PLXNB2: variants seen among roughly 807,000 people sequenced by gnomAD.
PLXNB2 encodes the protein plexin B2, also known as plexin-B2.
In PLXNB2, 85 loss-of-function variants were observed where a neutral mutation model predicts 202.6. That is an observed-to-expected ratio of 0.42 (90% CI 0.35 to 0.50). The LOEUF is 0.50. PLXNB2 is among the 20% of genes least tolerant of loss of function. The pLI is 0.02. For synonymous variants in PLXNB2, 1,239 were observed against 1,137.6 expected (o/e 1.09, Z -1.79); for missense variants, 2,063 against 2,586.2 (o/e 0.80, Z 4.39).
At position 50,290,408 on chromosome 22, in the gene PLXNB2, C is replaced by T. The variant is rs779136168; in HGVS notation, c.177G>A (p.Ala59=). Residue 59 remains alanine (A), a synonymous_variant, in exon 3 of 37, where the codon GCG becomes GCA. Coordinates refer to ENST00000359337, the MANE Select transcript of PLXNB2 (RefSeq NM_012401.4). ...GAVNALYQLD[A]KLQLEQQVAT... is the part of the protein sequence containing the mutation. ...CCACCTGCTGCTCCAGCTGCAGCTT[C>T]GCATCCAGCTGGTAGAGGGCATTCA... The T allele has an allele frequency of 2.4e-5, 38 of 1,612,814 alleles. No homozygotes were observed. Among genetic ancestry groups the T allele is most frequent in the Non-Finnish European group, 3.1e-5 (36 of 1,179,982 alleles).
At chr22:50,292,337 C>CAAAAAAAAA (rs533891085) in intron 2 of PLXNB2, among the ~76,000 whole-genome samples, 1 of 71,000 alleles carries the variant, frequency 1.4e-5, no homozygotes, top group Admixed American at 1.6e-4. Flanking sequence ...GACTCTGTCT[C>CAAAAAAAAA]AAAAAAAAAA....
chr22:50,289,780 G>C lies in PLXNB2; in HGVS notation c.805C>G (p.Pro269Ala), dbSNP rs1569174092. ...CCAAAGGCAGCGGCGTGGATGTCGG[G>C]GTCCCGGCACTGCAGGTCCATCTCC... is the stretch of plus-strand genomic sequence containing the variant. ...YLEMDLQCRD[P>A]DIHAAAFGTC... Residue 269 changes from proline to alanine, a missense_variant, in exon 3 of 37, where the codon CCC becomes GCC. Pro to Ala is a conservative substitution (Grantham distance 27, BLOSUM62 -1). Transcript: ENST00000359337. The surrounding 1 kb of genome is among the most constrained non-coding windows in gnomAD (Gnocchi z 8.0). 1 of 1,613,018 alleles carries C rather than the reference G, an allele frequency of 6.2e-7. No homozygotes were observed.
intron 1 of PLXNB2, among the ~76,000 whole-genome samples, chr22:50,296,193 T>TAC (rs58616888): frequency 0.066 from 9,152 of 139,282 alleles, 428 homozygotes; most frequent in East Asian, 0.16. Context: ...TCTCAAAAAA[T>TAC]ACACACACAC....
rs1385108827 is a variant in PLXNB2, at chr22:50,278,274, G to A, written c.4733-3C>T. 5 of 1,610,522 alleles carry A rather than the reference G, an allele frequency of 3.1e-6. No homozygotes were observed. In the African/African-American group the frequency reaches 4.0e-5, roughly 13 times the overall value. On this transcript the variant is annotated splice_polypyrimidine_tract_variant and splice_region_variant and intron_variant, in intron 30 of 36. Coordinates refer to ENST00000359337, the MANE Select transcript of PLXNB2 (RefSeq NM_012401.4). ...CTCCTCCTCCAGGAGGGCATGGCCTGTGGGGAGCGGGCACTGAGGGACCCC... is the reference window on the plus strand; with the variant it reads ...CTCCTCCTCCAGGAGGGCATGGCCTATGGGGAGCGGGCACTGAGGGACCCC...
rs756123018 is a variant in PLXNB2 at position 50,290,194 on chromosome 22, G to A, written c.391C>T (p.Arg131Cys). The A allele has an allele frequency of 6.2e-5, 100 of 1,612,488 alleles. No homozygotes were observed. Among genetic ancestry groups the A allele is most frequent in the African/African-American group, 1.7e-4 (13 of 74,946 alleles). ...CCGCTGCCGTCCTCGTAGAACAGGC[G>A]GAGGGAGATGTTGCTCAGGGCGCGC... The part of the protein sequence containing the change: ...ALRALSNISL[R>C]LFYEDGSGEK... Residue 131 changes from arginine (R) to cysteine (C), a missense_variant, in exon 3 of 37, where the codon CGC (arginine) becomes TGC (cysteine). Coordinates refer to ENST00000359337, the MANE Select transcript of PLXNB2 (RefSeq NM_012401.4).
chr22:50,283,555 G>A lies in PLXNB2; in HGVS notation c.2570+47C>T, dbSNP rs749849565. 1.9e-6 allele frequency: 3 copies of A among 1,597,216 alleles called. No individual in the cohort carries two copies. In the South Asian group the frequency reaches 3.3e-5, roughly 18 times the overall value. The stretch of plus-strand genomic sequence containing the variant: ...ACCCAGTCACCCGGAACCCCAGCGT[G>A]GGTACTGACCCAGCTGACAGGGCCC... On this transcript the variant is annotated intron_variant, in intron 15 of 36. Transcript: ENST00000359337.
intron 28 of PLXNB2, 73 bp downstream of exon 28, chr22:50,278,782 G>A (rs2065787417): frequency 6.3e-7 from 1 of 1,590,412 alleles, no homozygotes. Flanking sequence ...AGCTGGCCAG[G>A]CAGGATACCG....
At position 50,289,275 on chromosome 22, in the gene PLXNB2, A is replaced by G; in HGVS notation, c.1069-133T>C. The G allele has an allele frequency of 1.0e-6, 1 of 956,828 alleles. No individual in the cohort carries two copies. The highest frequency in any genetic ancestry group is 1.7e-5 in the South Asian group (1 of 57,254). The allele number at this position is 956,828 out of a possible 1,614,324, so 59.3% of individuals were successfully genotyped here. ...TCCTACACACGTCCCCGAGAACAGA[A>G]CCCACATGGCAGGGAGCCCCACCGT... On this transcript the variant is annotated intron_variant, in intron 3 of 36. Coordinates refer to ENST00000359337, the MANE Select transcript of PLXNB2 (RefSeq NM_012401.4). This position sits in a 1 kb window ranked among gnomAD's most constrained non-coding sequence, Gnocchi z 8.0.
intron 1 of PLXNB2, among the ~76,000 whole-genome samples, chr22:50,299,623 G>T (rs1312985020): frequency 1.3e-5 from 2 of 152,128 alleles, no homozygotes; most frequent in South Asian, 2.1e-4. Flanking sequence ...GGGGCTGGGG[G>T]GTCGGCAAGG....
Position 50,289,488 on chromosome 22 carries a change from G to A in PLXNB2, c.1068+29C>T, listed in dbSNP as rs759410639. ...CCACGAACGGACGCCTGCAGTCCGG[G>A]CCCTGCGAGAACACACTGAGGCCCA... On this transcript the variant is annotated intron_variant, in intron 3 of 36. Transcript: ENST00000359337. The surrounding 1 kb of genome is among the most constrained non-coding windows in gnomAD (Gnocchi z 8.0). 3 of 1,568,768 alleles carry A rather than the reference G, an allele frequency of 1.9e-6. No homozygotes were observed. The Admixed American group carries it at 5.4e-5, about 28-fold the overall frequency.
Position 50,281,722 on chromosome 22 carries a change from C to T in PLXNB2, c.3366G>A (p.Ala1122=), listed in dbSNP as rs370880414. Residue 1122 remains alanine, a synonymous_variant, in exon 21 of 37, where the codon GCG becomes GCA. Transcript: ENST00000359337. ...IHARGTNLNK[A]MTLQEAEAFV... is the part of the protein sequence containing the mutation. The stretch of plus-strand genomic sequence containing the variant: ...AGGCCTCGGCCTCCTGCAGCGTCAT[C>T]GCCTTGTTCAGATTGGTGCCCTGGG... 1.2e-5 allele frequency: 19 copies of T among 1,558,638 alleles called. No individual in the cohort carries two copies. The highest frequency in any genetic ancestry group is 2.3e-5 in the East Asian group (1 of 44,296).
intron 1 of PLXNB2, chr22:50,300,308 G>A: frequency 1.0e-6 from 1 of 985,374 alleles, no homozygotes; most frequent in African/African-American, 1.7e-5. Flanking sequence ...CGCACAGCCG[G>A]CCATTACCTA....
intron 2 of PLXNB2, 33 bp downstream of exon 2, chr22:50,294,686 C>A (rs1489613930): frequency 1.0e-6 from 1 of 954,328 alleles, no homozygotes; most frequent in Non-Finnish European, 1.2e-6. Context: ...ATAGCCCCAG[C>A]CACCCACTGC....
Position 50,287,663 on chromosome 22 carries a change from G to A in PLXNB2, c.1608+4C>T, listed in dbSNP as rs1161802750. ...AGGACCCCCACCCCAGACCCACCAC[G>A]CACCTCCCCCTGGGCCCGCCGGCTC... On this transcript the variant is annotated splice_donor_region_variant and intron_variant, in intron 7 of 36. Transcript: ENST00000359337. The A allele has an allele frequency of 4.0e-5, 62 of 1,538,154 alleles. No homozygotes were observed. The highest frequency in any genetic ancestry group is 4.7e-5 in the Non-Finnish European group (54 of 1,146,430).
chr22:50,281,788 C>G (rs2066010599), intron 20 of PLXNB2, 46 bp from the exon 21 acceptor site: 1 of 1,570,302 alleles, frequency 6.4e-7, no homozygotes, highest in South Asian at 1.2e-5. Flanking sequence ...GAACCAGGGA[C>G]AGGTGGACCA....
chr22:50,287,559 G>A, intron 7 of PLXNB2, 108 bp downstream of exon 7: 1 of 1,149,012 alleles, frequency 8.7e-7, no homozygotes, highest in Non-Finnish European at 1.2e-6. Context: ...GCCCAGGCGG[G>A]GGAGATGTGG....
chr22:50,278,471 GC>G lies in PLXNB2; in HGVS notation c.4695del (p.Gln1565HisfsTer44). ...AGGTCCTGCTGGCTGTCCTCCGGCT[GC>G]TGGGAGACCCCCACCTTGGACAGGA... ...TLILSKVGVSQQPEDSQQDLP... is the reference protein window; with the variant it reads ...TLILSKVGVSXQPEDSQQDLP... On this transcript the variant is annotated frameshift_variant, in exon 30 of 37. Coordinates refer to ENST00000359337, the MANE Select transcript of PLXNB2 (RefSeq NM_012401.4). LOFTEE classifies it high-confidence loss of function. 20 of 1,560,346 alleles carry G rather than the reference GC, an allele frequency of 1.3e-5. No homozygotes were observed. Among genetic ancestry groups the G allele is most frequent in the Non-Finnish European group, 1.6e-5 (19 of 1,152,506 alleles).
At chr22:50,304,009 G>A (rs2067798752) in intron 1 of PLXNB2, among the ~76,000 whole-genome samples, 1 of 152,228 alleles carries the variant, frequency 6.6e-6, no homozygotes, top group South Asian at 2.1e-4. Flanking sequence ...ACATGAGGCA[G>A]CTCAGGTGTG....
chr22:50,306,619 G>C (rs1352377072), intron 1 of PLXNB2, among the ~76,000 whole-genome samples: 4 of 147,456 alleles, frequency 2.7e-5, no homozygotes, highest in South Asian at 2.3e-4. Flanking sequence ...AGGGCGGGGG[G>C]GTCCAGGGAA....
Sources: gnomAD v4.1 joint callset for allele counts (sites outside exome capture counted in the v4.1 genomes callset) on GRCh38, gnomAD v4.1.1 for gene constraint, Gnocchi (gnomAD v3.1) non-coding constraint, MANE v1.5 for transcripts, NCBI Gene and HGNC (gene_info 2026-07-23, HGNC 2026-07-21) for gene names.